Variants in PTPRS observed in about 807,000 individuals in gnomAD.
PTPRS encodes the protein protein tyrosine phosphatase receptor type S, also known as receptor-type tyrosine-protein phosphatase S.
A neutral mutation model predicts 215.3 loss-of-function variants in PTPRS; 63 were observed. That is an observed-to-expected ratio of 0.29 (90% CI 0.24 to 0.36). The LOEUF is 0.36. Among genes scored for constraint, PTPRS ranks in the 10% least tolerant of loss-of-function variants. The probability of loss-of-function intolerance (pLI) is 1.00; values close to 1 mark genes in which losing one functional copy is unlikely to be tolerated. For synonymous variants in PTPRS, 1,404 were observed against 1,191.4 expected (o/e 1.18, Z -3.68); for missense variants, 2,258 against 2,825.8 (o/e 0.80, Z 4.56).
chr19:5,273,609 CA>C, intron 3 of PTPRS, 26 bp from the exon 4 acceptor site: 3 of 1,613,592 alleles, frequency 1.9e-6, no homozygotes, highest in Non-Finnish European at 1.7e-6. Context: ...GAAAAAAGAA[CA>C]GAGTGAGGCT....
chr19:5,304,017 C>T (rs985404529), intron 1 of PTPRS, among the ~76,000 whole-genome samples: 1 of 151,194 alleles, frequency 6.6e-6, no homozygotes, highest in African/African-American at 2.4e-5. Context: ...GCCATGTCAG[C>T]ATTTGAGGAA....
rs374685700 is a variant in PTPRS, at chr19:5,210,849, C to T, written c.5235-44G>A. 1.7e-5 allele frequency: 27 copies of T among 1,594,770 alleles called. No individual in the cohort carries two copies. Among genetic ancestry groups the T allele is most frequent in the East Asian group, 4.5e-5 (2 of 44,796 alleles). On this transcript the variant is annotated intron_variant, in intron 33 of 37. Coordinates refer to ENST00000262963, the MANE Select transcript of PTPRS (RefSeq NM_002850.4). The surrounding 1 kb of genome is among the most constrained non-coding windows in gnomAD (Gnocchi z 4.5). ...TGAGCCCAGGGCCGGCAGGGAGACCCGGCGTGGTACTCACCTGATGCTGCC... is the reference window on the plus strand; with the variant it reads ...TGAGCCCAGGGCCGGCAGGGAGACCTGGCGTGGTACTCACCTGATGCTGCC...
chr19:5,209,630 C>G (rs1978237), intron 35 of PTPRS, among the ~76,000 whole-genome samples: 111,999 of 152,032 alleles, frequency 0.74, 41,511 homozygotes, highest in African/African-American at 0.8. Flanking sequence ...TTCTCCACCC[C>G]CTGCTGGCCA....
chr19:5,228,368 CAG>C (rs1453652036), intron 16 of PTPRS, among the ~76,000 whole-genome samples: 2 of 101,684 alleles, frequency 2.0e-5, no homozygotes, highest in Non-Finnish European at 3.8e-5. Flanking sequence ...AAAAAAGAGA[CAG>C]GGTCTCCCTC....
At position 5,339,968 on chromosome 19, in the gene PTPRS, G is replaced by A. The variant is rs922142545; in HGVS notation, c.-95+696C>T. Among the ~76,000 whole-genome samples the A allele has an allele frequency of 1.3e-5, 2 of 151,980 alleles. No individual in the cohort carries two copies. The highest frequency in any genetic ancestry group is 4.8e-5 in the African/African-American group (2 of 41,416). Reference sequence around the variant, plus strand: ...TGGGGAGGCTGGAAGGGGGCGCCGAGGCCGCAGAAGGGTGGGGCAATGCCC... The same window carrying A: ...TGGGGAGGCTGGAAGGGGGCGCCGAAGCCGCAGAAGGGTGGGGCAATGCCC... On this transcript the variant is annotated intron_variant, in intron 1 of 37. Coordinates refer to ENST00000262963, the MANE Select transcript of PTPRS (RefSeq NM_002850.4). The surrounding 1 kb of genome is among the most constrained non-coding windows in gnomAD (Gnocchi z 4.2).
chr19:5,218,631 T>C, intron 24 of PTPRS, 99 bp from the exon 25 acceptor site: 6 of 1,515,642 alleles, frequency 4.0e-6, no homozygotes, highest in South Asian at 3.4e-5. Context: ...AAAAGGACCA[T>C]GGACCCGTAT....
intron 1 of PTPRS, among the ~76,000 whole-genome samples, chr19:5,326,935 C>T (rs2050184847): frequency 6.6e-6 from 1 of 152,116 alleles, no homozygotes. Context: ...ATATAGAGTC[C>T]AAAGACCCTG....
At chr19:5,235,971 C>T (rs752108296) in intron 13 of PTPRS, among the ~76,000 whole-genome samples, 36 of 152,198 alleles carry the variant, frequency 2.4e-4, no homozygotes, top group Non-Finnish European at 5.0e-4. Flanking sequence ...GGTGCAGCAC[C>T]CTCAGCCCAT....
intron 7 of PTPRS, among the ~76,000 whole-genome samples, chr19:5,258,955 C>A (rs1159090229): frequency 1.3e-5 from 2 of 152,162 alleles, no homozygotes; most frequent in Non-Finnish European, 2.9e-5. Flanking sequence ...TCACGAGTAA[C>A]TGAATGGACT....
chr19:5,324,732 G>C (rs1183244401), intron 1 of PTPRS, among the ~76,000 whole-genome samples: 4 of 152,204 alleles, frequency 2.6e-5, no homozygotes, highest in Admixed American at 1.3e-4. Context: ...AAGTGGGGCA[G>C]TGGTTGCAGG....
intron 4 of PTPRS, among the ~76,000 whole-genome samples, chr19:5,267,280 T>C (rs892112099): frequency 7.9e-5 from 12 of 152,238 alleles, no homozygotes; most frequent in Middle Eastern, 6.8e-3. Context: ...CAGAGCTCCC[T>C]GAGCGGTGGG....
At chr19:5,265,270 G>A in intron 4 of PTPRS, 74 bp from the exon 5 acceptor site, 2 of 1,425,856 alleles carry the variant, frequency 1.4e-6, no homozygotes, top group Non-Finnish European at 9.5e-7. Flanking sequence ...TGGGGCTCAG[G>A]GACTGCCTGG....
chr19:5,248,971 G>A (rs997098857), intron 9 of PTPRS, among the ~76,000 whole-genome samples: 5 of 152,210 alleles, frequency 3.3e-5, no homozygotes, highest in South Asian at 2.1e-4. Context: ...GGGCTGGGAC[G>A]ATCAAACAGC....
At position 5,220,174 on chromosome 19, in the gene PTPRS, G is replaced by C; in HGVS notation, c.3550-20C>G. The stretch of plus-strand genomic sequence containing the variant: ...GATGAGCTGCGGGAACAGAGTCATG[G>C]GTGGCTCAGAGCTCAGCTGGGAGCA... On this transcript the variant is annotated intron_variant, in intron 21 of 37. Transcript: ENST00000262963. The C allele has an allele frequency of 6.2e-7, 1 of 1,609,714 alleles. No homozygotes were observed. Among genetic ancestry groups the C allele is most frequent in the Middle Eastern group, 1.7e-4 (1 of 6,050 alleles).
intron 1 of PTPRS, among the ~76,000 whole-genome samples, chr19:5,312,363 A>G (rs1414364066): frequency 2.0e-5 from 3 of 152,178 alleles, no homozygotes; most frequent in Admixed American, 1.3e-4. Context: ...TGCAAATGCT[A>G]TAATAATAGC....
At position 5,287,014 on chromosome 19, in the gene PTPRS, T is replaced by C. The variant is rs977894690; in HGVS notation, c.-94-780A>G. ...CTGATCCCCCAGGTTATAAGACAAATCTCTTCCACACACCTGCCTGTCCCT... is the reference window on the plus strand; with the variant it reads ...CTGATCCCCCAGGTTATAAGACAAACCTCTTCCACACACCTGCCTGTCCCT... On this transcript the variant is annotated intron_variant, in intron 1 of 37. Coordinates refer to ENST00000262963, the MANE Select transcript of PTPRS (RefSeq NM_002850.4). This position sits in a 1 kb window ranked among gnomAD's most constrained non-coding sequence, Gnocchi z 4.8. 3.7e-4 allele frequency among the ~76,000 whole-genome samples: 57 copies of C among 152,122 alleles called. No individual in the cohort carries two copies. The highest frequency in any genetic ancestry group is 1.2e-3 in the African/African-American group (51 of 41,414).
At chr19:5,208,150 G>C in intron 36 of PTPRS, 87 bp downstream of exon 36, 4 of 1,568,438 alleles carry the variant, frequency 2.6e-6, no homozygotes, top group East Asian at 4.5e-5. Flanking sequence ...TAACAGCCCA[G>C]ATGGGACAGC....
Position 5,314,553 on chromosome 19 carries a change from A to T in PTPRS, c.-95+26111T>A, listed in dbSNP as rs530509486. On this transcript the variant is annotated intron_variant, in intron 1 of 37. Coordinates refer to ENST00000262963, the MANE Select transcript of PTPRS (RefSeq NM_002850.4). ...ACCTTTCTTATTTATTTATTTATTT[A>T]AAAAAAAATTTTTTTTTTTTGAAAC... 2.2e-4 allele frequency among the ~76,000 whole-genome samples: 33 copies of T among 151,808 alleles called. 1 individual carries two copies. Among genetic ancestry groups the T allele is most frequent in the East Asian group, 1.4e-3 (7 of 5,180 alleles).
chr19:5,268,845 G>A (rs2046655028), intron 4 of PTPRS, among the ~76,000 whole-genome samples: 1 of 152,236 alleles, frequency 6.6e-6, no homozygotes, highest in Non-Finnish European at 1.5e-5. Flanking sequence ...AAGAAGCTGA[G>A]CAGGACCGGC....
Sources: gnomAD v4.1 joint callset for allele counts (sites outside exome capture counted in the v4.1 genomes callset) on GRCh38, gnomAD v4.1.1 for gene constraint, Gnocchi (gnomAD v3.1) non-coding constraint, MANE v1.5 for transcripts, NCBI Gene and HGNC (gene_info 2026-07-23, HGNC 2026-07-21) for gene names.